Variants in SLC39A8 observed in about 807,000 individuals in gnomAD.
SLC39A8 encodes solute carrier family 39 member 8.
SLC39A8 carries 15 observed loss-of-function variants against 40.4 expected under a neutral mutation model. That is an observed-to-expected ratio of 0.37 (90% CI 0.25 to 0.57). The LOEUF is 0.57. SLC39A8 is among the 20% of genes least tolerant of loss of function. The pLI, the probability that SLC39A8 is intolerant of heterozygous loss-of-function variation, is 0.75. For missense variants in SLC39A8, 472 were observed against 558.8 expected (o/e 0.84, Z 1.57); for synonymous variants, 223 against 221.6 (o/e 1.01, Z -0.06).
chr4:102,281,860 G>A (rs544315229), intron 6 of SLC39A8, among the ~76,000 whole-genome samples: 5 of 152,260 alleles, frequency 3.3e-5, no homozygotes, highest in East Asian at 1.9e-4. Context: ...GTGCTGACCC[G>A]TTTAAGAAAA....
At chr4:102,254,116 C>T (rs796367661) in intron 11 of SLC39A8, among the ~76,000 whole-genome samples, 1 of 152,168 alleles carries the variant, frequency 6.6e-6, no homozygotes, top group Non-Finnish European at 1.5e-5. Flanking sequence ...CCAAGTCAAA[C>T]AGTCAAATGT....
intron 3 of SLC39A8, among the ~76,000 whole-genome samples, chr4:102,313,461 G>A (rs1200105473): frequency 6.6e-6 from 1 of 152,122 alleles, no homozygotes; most frequent in African/African-American, 2.4e-5. Context: ...GGAGACTGAA[G>A]TGTACATGCA....
chr4:102,307,210 G>A (rs1410734031), intron 4 of SLC39A8, among the ~76,000 whole-genome samples: 1 of 152,046 alleles, frequency 6.6e-6, no homozygotes, highest in Non-Finnish European at 1.5e-5. Flanking sequence ...GTCTGAGCAC[G>A]TCCTAGTGGC....
intron 2 of SLC39A8, among the ~76,000 whole-genome samples, chr4:102,319,187 G>A (rs1734792387): frequency 6.6e-6 from 1 of 152,200 alleles, no homozygotes; most frequent in Non-Finnish European, 1.5e-5. Context: ...TTCCTCACCA[G>A]TTTTTATGAG....
At chr4:102,257,562 C>T (rs1731736098), downstream of SLC39A8, among the ~76,000 whole-genome samples, 1 of 152,148 alleles carries the variant, frequency 6.6e-6, no homozygotes, top group Admixed American at 6.5e-5. Context: ...TCACTTCCTC[C>T]AGTCTCTTGT....
In SLC39A8 at chr4:102,344,766, G is replaced by A; in HGVS notation, c.-104C>T. 1 of 1,329,888 alleles carries A rather than the reference G, an allele frequency of 7.5e-7. No homozygotes were observed. The highest frequency in any genetic ancestry group is 9.6e-7 in the Non-Finnish European group (1 of 1,045,034). 82.4% of individuals were successfully genotyped at this position (1,329,888 alleles called of 1,614,324 possible). On this transcript the variant is annotated 5_prime_UTR_variant, in exon 2 of 9. Transcript: ENST00000356736. Reference sequence around the variant, plus strand: ...CCCAAGGGCGGGAGCGTCAGTGCTCGGCGCTGCTCCGAGTCAGAGGTGGCG... The same window carrying A: ...CCCAAGGGCGGGAGCGTCAGTGCTCAGCGCTGCTCCGAGTCAGAGGTGGCG...
chr4:102,310,105 C>T (rs67152947), intron 3 of SLC39A8, among the ~76,000 whole-genome samples: 4 of 152,078 alleles, frequency 2.6e-5, no homozygotes, highest in Admixed American at 2.0e-4. Flanking sequence ...TTATTTACCC[C>T]CTTCTCAACA....
intron 6 of SLC39A8, among the ~76,000 whole-genome samples, chr4:102,302,936 C>T (rs925338942): frequency 5.3e-5 from 8 of 151,988 alleles, no homozygotes; most frequent in Admixed American, 2.0e-4. Context: ...ATAATTTCCT[C>T]TTAGCTGAGT....
At chr4:102,344,016 G>T (rs895058880) in intron 2 of SLC39A8, among the ~76,000 whole-genome samples, 3 of 152,124 alleles carry the variant, frequency 2.0e-5, no homozygotes, top group Non-Finnish European at 4.4e-5. Flanking sequence ...TACGCACCGG[G>T]CAACTGTTAA....
intron 6 of SLC39A8, among the ~76,000 whole-genome samples, chr4:102,282,723 T>G (rs1021974171): frequency 6.6e-6 from 1 of 151,996 alleles, no homozygotes; most frequent in African/African-American, 2.4e-5. Context: ...GGCAGTTTTT[T>G]GTTTGTTTGT....
chr4:102,256,403 C>T (rs1317582313), intron 11 of SLC39A8, among the ~76,000 whole-genome samples: 1 of 152,138 alleles, frequency 6.6e-6, no homozygotes, highest in African/African-American at 2.4e-5. Context: ...AAATCTATGT[C>T]TTTATTTAAA....
chr4:102,320,381 AATATATATATGAGT>A lies in SLC39A8; in HGVS notation c.220-4565_220-4552del, dbSNP rs1314717309. Among the ~76,000 whole-genome samples, 184 of 83,564 alleles carry A rather than the reference AATATATATATGAGT, an allele frequency of 2.2e-3. 5 individuals are homozygous for A. Among genetic ancestry groups the A allele is most frequent in the African/African-American group, 9.6e-3 (178 of 18,536 alleles). The allele number at this position is 83,564 out of a possible 152,430, so 54.8% of individuals were successfully genotyped here. On this transcript the variant is annotated intron_variant, in intron 2 of 8. Coordinates refer to ENST00000356736, the MANE Select transcript of SLC39A8 (RefSeq NM_001135146.2). ...ATATATATGAGTATATATATATGAGAATATATATATGAGTATATATATATGAGAATATATATATG... is the reference window on the plus strand; with the variant it reads ...ATATATATGAGTATATATATATGAGAATATATATATGAGAATATATATATG...
At chr4:102,308,281 A>T (rs1578598938) in intron 3 of SLC39A8, among the ~76,000 whole-genome samples, 1 of 151,978 alleles carries the variant, frequency 6.6e-6, no homozygotes, top group East Asian at 1.9e-4. Context: ...TACATAACCC[A>T]CCCTGTGAGA....
downstream of SLC39A8, among the ~76,000 whole-genome samples, chr4:102,258,264 A>C (rs966230496): frequency 3.3e-5 from 5 of 151,882 alleles, no homozygotes. Context: ...GTAAGTACTA[A>C]TTTTTAAAGG....
At chr4:102,313,166 A>G (rs1734519238) in intron 3 of SLC39A8, among the ~76,000 whole-genome samples, 1 of 152,158 alleles carries the variant, frequency 6.6e-6, no homozygotes, top group South Asian at 2.1e-4. Context: ...CAGAATATCA[A>G]TGAGAACATG....
In SLC39A8 at chr4:102,328,984, C is replaced by T. The variant is rs1408606797; in HGVS notation, c.220-13154G>A. ...CGGAGCTTGCAGTGAGCCAAGACTGCACCACTGCACTCCAGCTTGGGTGAC... is the reference window on the plus strand; with the variant it reads ...CGGAGCTTGCAGTGAGCCAAGACTGTACCACTGCACTCCAGCTTGGGTGAC... On this transcript the variant is annotated intron_variant, in intron 2 of 8. Transcript: ENST00000356736. 4.0e-5 allele frequency among the ~76,000 whole-genome samples: 6 copies of T among 149,694 alleles called. No homozygotes were observed. In the East Asian group the frequency reaches 9.8e-4, roughly 25 times the overall value.
intron 11 of SLC39A8, among the ~76,000 whole-genome samples, chr4:102,255,824 G>T (rs894335082): frequency 6.6e-6 from 1 of 152,138 alleles, no homozygotes; most frequent in African/African-American, 2.4e-5. Context: ...GGACAACCCA[G>T]CTCCTAACTT....
intron 3 of SLC39A8, among the ~76,000 whole-genome samples, chr4:102,308,607 T>C (rs994380974): frequency 6.6e-6 from 1 of 152,058 alleles, no homozygotes; most frequent in Non-Finnish European, 1.5e-5. Flanking sequence ...CTCAGGGCTG[T>C]GCAACATGTG....
At chr4:102,258,578 CTT>C (rs1731766934), downstream of SLC39A8, among the ~76,000 whole-genome samples, 1 of 152,190 alleles carries the variant, frequency 6.6e-6, no homozygotes, top group African/African-American at 2.4e-5. Context: ...GAATCCTTCT[CTT>C]TTATTTCCTT....
Sources: allele counts gnomAD v4.1 joint callset (sites outside exome capture counted in the v4.1 genomes callset), GRCh38; gene constraint gnomAD v4.1.1; transcripts MANE v1.5; gene names NCBI Gene and HGNC (gene_info 2026-07-23, HGNC 2026-07-21).